The following SC5D variants were observed in gnomAD, a reference collection of about 807,000 sequenced individuals.
SC5D encodes the protein sterol-C5-desaturase.
Under a neutral mutation model 23.9 loss-of-function variants are expected in SC5D, and 21 were observed. The ratio of observed to expected loss-of-function variants is 0.88; its 90% CI spans 0.62 to 1.26. SC5D has a LOEUF of 1.26. Among genes scored for constraint, SC5D ranks in the 50% most tolerant of loss-of-function variants. The pLI, the probability that SC5D is intolerant of heterozygous loss-of-function variation, is 0.00. For synonymous variants in SC5D, 113 were observed against 125.9 expected, an observed-to-expected ratio of 0.90 and a Z score of 0.68; for missense variants, 309 against 364.8, an observed-to-expected ratio of 0.85 and a Z score of 1.25.
At position 121,298,900 on chromosome 11, in the gene SC5D, C is replaced by T. The variant is rs186472291; in HGVS notation, c.-10-4466C>T. Reference sequence around the variant, plus strand: ...ATAGTCAAAGGGAGTTGTTCTCTTGCGGGTCACAAGGTGCTCAGTAGGGGA... The same window carrying T: ...ATAGTCAAAGGGAGTTGTTCTCTTGTGGGTCACAAGGTGCTCAGTAGGGGA... On this transcript the variant is annotated intron_variant, in intron 1 of 4. Coordinates refer to ENST00000264027, the MANE Select transcript of SC5D (RefSeq NM_006918.5). Among the ~76,000 whole-genome samples the T allele has an allele frequency of 1.6e-3, 243 of 152,228 alleles. 1 individual carries two copies. Among genetic ancestry groups the T allele is most frequent in the African/African-American group, 5.5e-3 (230 of 41,548 alleles).
chr11:121,300,637 T>G (rs887012097), intron 1 of SC5D, among the ~76,000 whole-genome samples: 1 of 152,208 alleles, frequency 6.6e-6, no homozygotes, highest in Non-Finnish European at 1.5e-5. Context: ...GAGATATCCC[T>G]AGGGGGCTTT....
chr11:121,300,779 G>A lies in SC5D; in HGVS notation c.-10-2587G>A, dbSNP rs1044532243. On this transcript the variant is annotated intron_variant, in intron 1 of 4. Transcript: ENST00000264027. ...AGGGTTTACGCAAGCAGTAAGTTCA[G>A]GCCAGTCAATTTTAGAGTGACAACT... is the stretch of plus-strand genomic sequence containing the variant. 3.9e-5 allele frequency among the ~76,000 whole-genome samples: 6 copies of A among 152,258 alleles called. No individual in the cohort carries two copies. In the South Asian group the frequency reaches 6.2e-4, roughly 16 times the overall value.
At chr11:121,298,839 G>A (rs923847353) in intron 1 of SC5D, among the ~76,000 whole-genome samples, 23 of 152,186 alleles carry the variant, frequency 1.5e-4, no homozygotes, top group Admixed American at 1.2e-3. Context: ...TAGGGGTGGG[G>A]CAGTTTTGAA....
chr11:121,294,680 C>A (rs1947876988), intron 1 of SC5D, among the ~76,000 whole-genome samples: 1 of 152,094 alleles, frequency 6.6e-6, no homozygotes, highest in Non-Finnish European at 1.5e-5. Flanking sequence ...CAGTGATAAT[C>A]ATATAGATGC....
In SC5D at chr11:121,307,844, A is replaced by G. The variant is rs1179790972; in HGVS notation, c.*332A>G. ...TAAATTATTGAGGGGACTAGGCTAT[A>G]TGCATTTGCCTTCATCCACCCATGT... is the stretch of plus-strand genomic sequence containing the variant. On this transcript the variant is annotated 3_prime_UTR_variant, in exon 5 of 5. Coordinates refer to ENST00000264027, the MANE Select transcript of SC5D (RefSeq NM_006918.5). The G allele has an allele frequency of 4.9e-6, 1 of 204,250 alleles. No homozygotes were observed. Among genetic ancestry groups the G allele is most frequent in the African/African-American group, 2.3e-5 (1 of 42,714 alleles). 12.7% of individuals were successfully genotyped at this position (204,250 alleles called of 1,614,324 possible).
intron 4 of SC5D, 143 bp downstream of exon 4, chr11:121,306,629 A>T (rs776708828): frequency 2.9e-6 from 2 of 700,484 alleles, no homozygotes; most frequent in South Asian, 3.0e-5. Context: ...TACAGGGTGC[A>T]TTTTGTTCAT....
chr11:121,297,812 A>G (rs925549118), intron 1 of SC5D, among the ~76,000 whole-genome samples: 6 of 152,382 alleles, frequency 3.9e-5, no homozygotes, highest in Middle Eastern at 3.4e-3. Context: ...GCTGGCATAT[A>G]TGAAGACCTG....
intron 1 of SC5D, among the ~76,000 whole-genome samples, chr11:121,298,588 C>G (rs1490028657): frequency 6.6e-6 from 1 of 152,090 alleles, no homozygotes; most frequent in African/African-American, 2.4e-5. Flanking sequence ...CATTTAATGG[C>G]CCAAACCATA....
chr11:121,307,427 TGACA>T lies in SC5D; in HGVS notation c.818_821del (p.Thr273ArgfsTer34). ...GGACCGCTCAGTTATGTGAAGGAGA[TGACA>T]GAGGGAAAGCGCAGCAGCCATTCAG... On this transcript the variant is annotated frameshift_variant, in exon 5 of 5. Transcript: ENST00000264027. LOFTEE classifies it low-confidence loss of function (END_TRUNC). 6.2e-7 allele frequency: 1 copy of T among 1,611,434 alleles called. No homozygotes were observed. The highest frequency in any genetic ancestry group is 2.2e-5 in the East Asian group (1 of 44,860).
intron 2 of SC5D, 74 bp from the exon 3 acceptor site, chr11:121,304,287 T>C: frequency 7.1e-7 from 1 of 1,407,532 alleles, no homozygotes; most frequent in Non-Finnish European, 1.0e-6. Flanking sequence ...AAAAATCCAG[T>C]CCAGAACAGT....
Position 121,307,378 on chromosome 11 carries a change from A to G in SC5D, c.766A>G (p.Asn256Asp). Residue 256 changes from asparagine (N) to aspartate (D), a missense_variant, in exon 5 of 5, where the codon AAT (asparagine) becomes GAT (aspartate). Coordinates refer to ENST00000264027, the MANE Select transcript of SC5D (RefSeq NM_006918.5). ...GGATAGGATTGGCGGCTCATTCAAAAATCCTTCATCCTTTGAGGGGAAGGG... is the reference window on the plus strand; with the variant it reads ...GGATAGGATTGGCGGCTCATTCAAAGATCCTTCATCCTTTGAGGGGAAGGG... ...LWDRIGGSFKNPSSFEGKGPL... is the reference protein window; with the variant it reads ...LWDRIGGSFKDPSSFEGKGPL... 1 of 1,614,030 alleles carries G rather than the reference A, an allele frequency of 6.2e-7. No homozygotes were observed. Among genetic ancestry groups the G allele is most frequent in the Non-Finnish European group, 8.5e-7 (1 of 1,179,906 alleles).
intron 1 of SC5D, among the ~76,000 whole-genome samples, chr11:121,302,516 A>T (rs1229511602): frequency 1.3e-5 from 2 of 152,334 alleles, no homozygotes; most frequent in African/African-American, 4.8e-5. Flanking sequence ...TTAGAGTTTA[A>T]GCATCTGAAA....
rs1324182697 is a variant in SC5D at position 121,308,874 on chromosome 11, G to A, written c.*1362G>A. On this transcript the variant is annotated 3_prime_UTR_variant, in exon 5 of 5. Transcript: ENST00000264027. ...TAATGTCTGGGATCCAGAAGAAAAT[G>A]TCTTTAATCTGTGAGTTATTGTCAC... Among the ~76,000 whole-genome samples, 2 of 152,222 alleles carry A rather than the reference G, an allele frequency of 1.3e-5. No individual in the cohort carries two copies. Among genetic ancestry groups the A allele is most frequent in the South Asian group, 2.1e-4 (1 of 4,832 alleles).
chr11:121,298,424 T>C (rs970950595), intron 1 of SC5D, among the ~76,000 whole-genome samples: 1 of 152,200 alleles, frequency 6.6e-6, no homozygotes, highest in Non-Finnish European at 1.5e-5. Flanking sequence ...GTTGTCAAAA[T>C]TACTTAATGC....
Position 121,312,517 on chromosome 11 carries a change from C to A in SC5D, c.*5005C>A, listed in dbSNP as rs575027521. ...TATTTTGATCCAACTACCAAAAAAGCAGACTTGTGTACTTGACAGATTTTT... is the reference window on the plus strand; with the variant it reads ...TATTTTGATCCAACTACCAAAAAAGAAGACTTGTGTACTTGACAGATTTTT... On this transcript the variant is annotated 3_prime_UTR_variant, in exon 5 of 5. Coordinates refer to ENST00000264027, the MANE Select transcript of SC5D (RefSeq NM_006918.5). Among the ~76,000 whole-genome samples, 1 of 152,206 alleles carries A rather than the reference C, an allele frequency of 6.6e-6. No homozygotes were observed. The highest frequency in any genetic ancestry group is 1.5e-5 in the Non-Finnish European group (1 of 67,978).
rs1386203583 is a variant in SC5D, at chr11:121,309,055, G to A, written c.*1543G>A. Among the ~76,000 whole-genome samples the A allele has an allele frequency of 6.6e-6, 1 of 152,216 alleles. No individual in the cohort carries two copies. Among genetic ancestry groups the A allele is most frequent in the East Asian group, 1.9e-4 (1 of 5,202 alleles). On this transcript the variant is annotated 3_prime_UTR_variant, in exon 5 of 5. Transcript: ENST00000264027. ...TTTATTTCCTAATATAATGTCAGCT[G>A]ATATTTATTGAGCTTTTCCTCTTTG...
At position 121,308,728 on chromosome 11, in the gene SC5D, GTT is replaced by G. The variant is rs1947987311; in HGVS notation, c.*1219_*1220del. The G allele has an allele frequency of 6.6e-6, 1 of 152,648 alleles. No individual in the cohort carries two copies. Among genetic ancestry groups the G allele is most frequent in the African/African-American group, 2.4e-5 (1 of 41,446 alleles). The allele number at this position is 152,648 out of a possible 1,614,324, so 9.5% of individuals were successfully genotyped here. A position where few individuals can be genotyped will look rare whatever the true frequency, so the allele number is the denominator to read the frequency against. ...AGAAATGATGTGGATTGTTAATTGT[GTT>G]TTAGAACATCCCCGGACACTCAGTG... On this transcript the variant is annotated 3_prime_UTR_variant, in exon 5 of 5. Transcript: ENST00000264027.
In SC5D at chr11:121,307,212, G is replaced by A. The variant is rs868778899; in HGVS notation, c.600G>A (p.Leu200=). Residue 200 remains leucine (L), a synonymous_variant, in exon 5 of 5, where the codon TTG becomes TTA. Coordinates refer to ENST00000264027, the MANE Select transcript of SC5D (RefSeq NM_006918.5). Reference sequence around the variant, plus strand: ...TGGTTTATTTAAGTCTGTACATCTTGGTTAATATCTGGACAATTTCCATTC... The same window carrying A: ...TGGTTTATTTAAGTCTGTACATCTTAGTTAATATCTGGACAATTTCCATTC... ...HKVVYLSLYI[L]VNIWTISIHD... The A allele has an allele frequency of 1.2e-6, 2 of 1,614,078 alleles. No homozygotes were observed. The highest frequency in any genetic ancestry group is 1.6e-4 in the Middle Eastern group (1 of 6,062).
chr11:121,307,090 C>G lies in SC5D; in HGVS notation c.478C>G (p.Pro160Ala). 6.2e-7 allele frequency: 1 copy of G among 1,614,154 alleles called. No homozygotes were observed. Reference sequence around the variant, plus strand: ...TAAACCTCACCATATTTGGAAGATTCCTACTCCATTTGCAAGTCATGCTTT... The same window carrying G: ...TAAACCTCACCATATTTGGAAGATTGCTACTCCATTTGCAAGTCATGCTTT... ...LHKPHHIWKI[P>A]TPFASHAFHP... The change falls in exon 5 of 5, where the codon CCT (proline) becomes GCT (alanine). Residue 160 changes from proline (P) to alanine (A), a missense_variant. By Grantham distance (27) the Pro-to-Ala change is conservative (BLOSUM62 -1). Transcript: ENST00000264027.
Sources: gnomAD v4.1 joint callset for allele counts (sites outside exome capture counted in the v4.1 genomes callset) on GRCh38, gnomAD v4.1.1 for gene constraint, MANE v1.5 for transcripts, NCBI Gene and HGNC (gene_info 2026-07-23, HGNC 2026-07-21) for gene names.